Variants in TENM3 observed in about 807,000 individuals in gnomAD.
TENM3 encodes teneurin transmembrane protein 3.
A neutral mutation model predicts 255.1 loss-of-function variants in TENM3; 63 were observed. The observed-to-expected ratio is 0.25, with a 90% CI of 0.20 to 0.30. The LOEUF (loss-of-function observed/expected upper bound fraction) is 0.30, where lower values mean the gene tolerates loss of function less well. TENM3 is among the 10% of genes least tolerant of loss of function. The probability of loss-of-function intolerance (pLI) is 1.00; values close to 1 mark genes in which losing one functional copy is unlikely to be tolerated. For missense variants in TENM3, 2,929 were observed against 3,461.1 expected, an observed-to-expected ratio of 0.85 and a Z score of 3.86; for synonymous variants, 1,306 against 1,322.3, an observed-to-expected ratio of 0.99 and a Z score of 0.27.
chr4:181,691,107 T>C, the TENM3 span, among the ~76,000 whole-genome samples: 1 of 152,192 alleles, frequency 6.6e-6, no homozygotes. Flanking sequence ...TGCATTGTTA[T>C]TAGCAGAAAA....
chr4:182,670,224 TAC>T (rs918301894), intron 6 of TENM3, among the ~76,000 whole-genome samples: 1 of 152,190 alleles, frequency 6.6e-6, no homozygotes, highest in African/African-American at 2.4e-5. Context: ...ATGAATGATC[TAC>T]AGTTTATAAT....
At chr4:182,272,147 C>T (rs1027190445) in intron 1 of TENM3, among the ~76,000 whole-genome samples, 20 of 152,256 alleles carry the variant, frequency 1.3e-4, no homozygotes, top group African/African-American at 3.1e-4. Context: ...ATTGAGTCGA[C>T]GTATTTTTGC....
chr4:182,015,021 A>G, the TENM3 span, among the ~76,000 whole-genome samples: 1 of 152,240 alleles, frequency 6.6e-6, no homozygotes, highest in Non-Finnish European at 1.5e-5. Context: ...AAGGGACACA[A>G]GGCCTCTAAT....
At chr4:181,620,569 A>G in the TENM3 span, among the ~76,000 whole-genome samples, 40 of 151,982 alleles carry the variant, frequency 2.6e-4, no homozygotes, top group Middle Eastern at 3.4e-3. Flanking sequence ...TGAACTCTCA[A>G]TGTTTCATGC....
chr4:182,342,335 C>G (rs950894138), intron 2 of TENM3, among the ~76,000 whole-genome samples: 1 of 152,030 alleles, frequency 6.6e-6, no homozygotes, highest in African/African-American at 2.4e-5. Context: ...CATGCTATGA[C>G]ATGGAAGAAC....
At chr4:181,749,092 T>G in the TENM3 span, among the ~76,000 whole-genome samples, 1 of 152,126 alleles carries the variant, frequency 6.6e-6, no homozygotes, top group Non-Finnish European at 1.5e-5. Flanking sequence ...TAAGTGGTTA[T>G]TCTCTAAACA....
At chr4:181,563,310 A>C in the TENM3 span, among the ~76,000 whole-genome samples, 2 of 152,060 alleles carry the variant, frequency 1.3e-5, no homozygotes, top group Non-Finnish European at 1.5e-5. Flanking sequence ...CCTCACTCTG[A>C]TCTCTGGCTT....
At chr4:182,181,732 T>C (rs1752852152) in intron 1 of TENM3, among the ~76,000 whole-genome samples, 1 of 152,168 alleles carries the variant, frequency 6.6e-6, no homozygotes, top group Non-Finnish European at 1.5e-5. Flanking sequence ...GTTTACAATA[T>C]AGGTATTATA....
the TENM3 span, among the ~76,000 whole-genome samples, chr4:181,799,628 C>T: frequency 6.6e-6 from 1 of 152,192 alleles, no homozygotes; most frequent in Non-Finnish European, 1.5e-5. Context: ...ACTGAGAACG[C>T]TGACACAGCT....
chr4:182,773,493 G>A lies in TENM3; in HGVS notation c.4914G>A (p.Leu1638=). 8 of 1,612,664 alleles carry A rather than the reference G, an allele frequency of 5.0e-6. No individual in the cohort carries two copies. Among genetic ancestry groups the A allele is most frequent in the Non-Finnish European group, 6.8e-6 (8 of 1,179,322 alleles). The change falls in exon 23 of 28, where the codon CTG becomes CTA. Residue 1638 remains leucine, a synonymous_variant. Transcript: ENST00000511685. The part of the protein sequence containing the change: ...TFFDYDSEGR[L]TNVTFPTGVV... ...TTAGCTATGACAGTGAAGGTCGTCTGACAAATGTTACGTTTCCAACTGGAG... is the reference window on the plus strand; with the variant it reads ...TTAGCTATGACAGTGAAGGTCGTCTAACAAATGTTACGTTTCCAACTGGAG...
chr4:182,043,896 C>G, the TENM3 span, among the ~76,000 whole-genome samples: 2 of 152,184 alleles, frequency 1.3e-5, no homozygotes, highest in African/African-American at 4.8e-5. Flanking sequence ...AATAAAAACA[C>G]GCCATCCTCC....
the TENM3 span, among the ~76,000 whole-genome samples, chr4:182,057,758 G>A: frequency 2.0e-5 from 3 of 151,900 alleles, no homozygotes; most frequent in African/African-American, 4.8e-5. Flanking sequence ...CCTACATGCC[G>A]ACTGACCTCG....
upstream of TENM3, chr4:182,141,378 G>A (rs1749408310): frequency 1.3e-5 from 2 of 152,278 alleles, no homozygotes; most frequent in South Asian, 2.1e-4. Context: ...TGGTCACGTA[G>A]CGAGCTGCCT....
At chr4:181,790,539 G>T in the TENM3 span, among the ~76,000 whole-genome samples, 1 of 152,018 alleles carries the variant, frequency 6.6e-6, no homozygotes, top group African/African-American at 2.4e-5. Flanking sequence ...CTGTCTTTAA[G>T]AATAGAAAAG....
intron 3 of TENM3, chr4:182,349,722 T>G (rs1765050373): frequency 5.4e-6 from 1 of 186,760 alleles, no homozygotes; most frequent in Admixed American, 6.3e-5. Flanking sequence ...AATAATTCAA[T>G]TCTACTATCT....
the TENM3 span, among the ~76,000 whole-genome samples, chr4:182,032,829 T>C: frequency 6.6e-6 from 1 of 152,194 alleles, no homozygotes; most frequent in Admixed American, 6.5e-5. Context: ...TTTTCTAGTT[T>C]ATTTGCATAG....
chr4:182,085,827 T>C, the TENM3 span, among the ~76,000 whole-genome samples: 2 of 152,220 alleles, frequency 1.3e-5, no homozygotes, highest in South Asian at 4.1e-4. Context: ...TCTACATATA[T>C]ATTGCGTTTT....
intron 3 of TENM3, among the ~76,000 whole-genome samples, chr4:182,524,075 C>T (rs1011455016): frequency 6.6e-6 from 1 of 152,100 alleles, no homozygotes; most frequent in Non-Finnish European, 1.5e-5. Flanking sequence ...CTCTGTTATT[C>T]GTCACTTTCC....
chr4:182,608,088 A>G (rs1206398237), intron 4 of TENM3, among the ~76,000 whole-genome samples: 1 of 152,028 alleles, frequency 6.6e-6, no homozygotes, highest in African/African-American at 2.4e-5. Flanking sequence ...ATTCACTAGT[A>G]TTGTCTGTAA....
Sources: allele counts gnomAD v4.1 joint callset (sites outside exome capture counted in the v4.1 genomes callset), GRCh38; gene constraint gnomAD v4.1.1; transcripts MANE v1.5; gene names NCBI Gene and HGNC (gene_info 2026-07-23, HGNC 2026-07-21).